DTWD2: variants seen among roughly 807,000 people sequenced by gnomAD.
The protein encoded by DTWD2 is DTW motif tRNA-uridine aminocarboxypropyltransferase 2, also known as tRNA-uridine aminocarboxypropyltransferase 2.
In DTWD2, 39 loss-of-function variants were observed where a neutral mutation model predicts 31.8. That is an observed-to-expected ratio of 1.22 (90% CI 0.95 to 1.60). The LOEUF is 1.60. DTWD2 is among the 40% of genes most tolerant of loss of function. DTWD2 has a pLI of 0.00. For synonymous variants in DTWD2, 180 were observed against 142.8 expected (o/e 1.26, Z -1.86); for missense variants, 515 against 381.5 (o/e 1.35, Z -2.92).
rs144844733 is a variant in DTWD2 at position 118,841,087 on chromosome 5, T to A, written c.727A>T (p.Thr243Ser). ...ILEKNNYIQETLLRPLQALCS... is the reference protein window; with the variant it reads ...ILEKNNYIQESLLRPLQALCS... ...AAAGCTTGAAGAGGGCGAAGCAAAG[T>A]CTGTCAAGAGAAAAAAGACACTAAA... The change falls in exon 6 of 6, where the codon ACT (threonine) becomes TCT (serine). Residue 243 changes from threonine (T) to serine (S), a missense_variant and splice_region_variant. Thr to Ser is a moderately conservative substitution (Grantham distance 58, BLOSUM62 1). Coordinates refer to ENST00000510708, the MANE Select transcript of DTWD2 (RefSeq NM_173666.4). 2.5e-6 allele frequency: 4 copies of A among 1,607,194 alleles called. No individual in the cohort carries two copies. The highest frequency in any genetic ancestry group is 2.6e-6 in the Non-Finnish European group (3 of 1,176,368).
At chr5:118,909,478 C>T (rs549943567) in intron 4 of DTWD2, among the ~76,000 whole-genome samples, 2 of 152,190 alleles carry the variant, frequency 1.3e-5, no homozygotes, top group Non-Finnish European at 2.9e-5. Context: ...TTCACCTTCT[C>T]AGACTTCACT....
At chr5:118,939,661 G>A (rs1754138144) in intron 2 of DTWD2, among the ~76,000 whole-genome samples, 1 of 152,112 alleles carries the variant, frequency 6.6e-6, no homozygotes, top group Admixed American at 6.5e-5. Flanking sequence ...GAAGATAATT[G>A]CCTAGATCTT....
chr5:118,930,773 A>C (rs1302006318), intron 3 of DTWD2, among the ~76,000 whole-genome samples: 1 of 152,236 alleles, frequency 6.6e-6, no homozygotes, highest in Non-Finnish European at 1.5e-5. Context: ...TTTATATGGA[A>C]TATCAGATAT....
chr5:118,929,158 A>C (rs1227939621), intron 3 of DTWD2, among the ~76,000 whole-genome samples: 1 of 152,240 alleles, frequency 6.6e-6, no homozygotes, highest in Non-Finnish European at 1.5e-5. Context: ...TGGAAGAACC[A>C]TAAAGAGAAG....
At chr5:118,982,285 C>CG (rs1755318800) in intron 1 of DTWD2, among the ~76,000 whole-genome samples, 1 of 152,110 alleles carries the variant, frequency 6.6e-6, no homozygotes, top group African/African-American at 2.4e-5. Context: ...TTCTACCTAT[C>CG]GGAGGGTAAA....
intron 4 of DTWD2, among the ~76,000 whole-genome samples, chr5:118,855,219 T>C (rs1752103324): frequency 6.9e-6 from 1 of 145,160 alleles, no homozygotes; most frequent in African/African-American, 2.5e-5. Flanking sequence ...AGTGTAAATA[T>C]GTAATTACAA....
At chr5:118,845,282 G>A (rs1751824204) in intron 5 of DTWD2, among the ~76,000 whole-genome samples, 1 of 152,184 alleles carries the variant, frequency 6.6e-6, no homozygotes, top group Non-Finnish European at 1.5e-5. Flanking sequence ...AGGTTATTGG[G>A]AAAAAGTGTA....
chr5:118,906,329 G>A (rs1753331587), intron 4 of DTWD2, among the ~76,000 whole-genome samples: 1 of 152,036 alleles, frequency 6.6e-6, no homozygotes, highest in African/African-American at 2.4e-5. Context: ...ACAGAATTGA[G>A]CCATTCTACA....
At chr5:118,923,017 G>T (rs973902151) in intron 4 of DTWD2, among the ~76,000 whole-genome samples, 2 of 151,744 alleles carry the variant, frequency 1.3e-5, no homozygotes, top group African/African-American at 4.8e-5. Context: ...TATACTGCCA[G>T]GTAGGCATTC....
At position 118,836,200 on chromosome 5, in the gene DTWD2, A is replaced by G. The variant is rs1164603614; in HGVS notation, c.*4717T>C. Among the ~76,000 whole-genome samples, 2 of 152,186 alleles carry G rather than the reference A, an allele frequency of 1.3e-5. No individual in the cohort carries two copies. Among genetic ancestry groups the G allele is most frequent in the Non-Finnish European group, 2.9e-5 (2 of 68,032 alleles). Reference sequence around the variant, plus strand: ...TTACATTAAAAAGTTTCTTTTAAAAATAATTCTTACGTTGTTAGTTCAAGT... The same window carrying G: ...TTACATTAAAAAGTTTCTTTTAAAAGTAATTCTTACGTTGTTAGTTCAAGT... On this transcript the variant is annotated 3_prime_UTR_variant, in exon 6 of 6. Transcript: ENST00000510708.
chr5:118,852,590 A>C (rs947945904), intron 4 of DTWD2, among the ~76,000 whole-genome samples: 1 of 152,280 alleles, frequency 6.6e-6, no homozygotes, highest in South Asian at 2.1e-4. Context: ...GAGGTTATGG[A>C]GAAAAGGAAA....
intron 4 of DTWD2, among the ~76,000 whole-genome samples, chr5:118,869,340 C>T (rs1752452319): frequency 6.6e-6 from 1 of 152,094 alleles, no homozygotes; most frequent in Admixed American, 6.6e-5. Context: ...TCAACCACAA[C>T]ACAAAACTGC....
At chr5:118,888,446 T>C (rs1752913065) in intron 4 of DTWD2, among the ~76,000 whole-genome samples, 2 of 152,248 alleles carry the variant, frequency 1.3e-5, no homozygotes, top group Admixed American at 1.3e-4. Flanking sequence ...GCACTGTTTT[T>C]TTACTACTTA....
intron 1 of DTWD2, among the ~76,000 whole-genome samples, chr5:118,971,420 A>G (rs1754985149): frequency 1.3e-5 from 2 of 152,242 alleles, no homozygotes; most frequent in Non-Finnish European, 2.9e-5. Flanking sequence ...GTTCAGTTCA[A>G]CAAGGAGAGC....
chr5:118,946,238 G>C (rs1006307187), intron 1 of DTWD2, among the ~76,000 whole-genome samples: 1 of 152,166 alleles, frequency 6.6e-6, no homozygotes, highest in Non-Finnish European at 1.5e-5. Context: ...CTGATTTCCA[G>C]TGACTTCTGA....
At chr5:118,854,385 G>C (rs1200144671) in intron 4 of DTWD2, among the ~76,000 whole-genome samples, 2 of 151,390 alleles carry the variant, frequency 1.3e-5, no homozygotes, top group Non-Finnish European at 2.9e-5. Context: ...ATTTCTCTTA[G>C]GATACAGGAA....
chr5:118,888,987 G>C (rs1438413494), intron 4 of DTWD2, among the ~76,000 whole-genome samples: 2 of 152,142 alleles, frequency 1.3e-5, no homozygotes, highest in African/African-American at 4.8e-5. Context: ...TATACATTCT[G>C]AATACAAGTT....
chr5:118,974,089 C>T (rs532139791), intron 1 of DTWD2: 12 of 1,599,570 alleles, frequency 7.5e-6, no homozygotes, highest in African/African-American at 4.0e-5. Context: ...ATGACGATGT[C>T]GATACCAAGA....
chr5:118,901,252 T>C (rs1456066610), intron 4 of DTWD2, among the ~76,000 whole-genome samples: 2 of 151,988 alleles, frequency 1.3e-5, no homozygotes, highest in Non-Finnish European at 2.9e-5. Context: ...TTCTAAATAG[T>C]AAAAAAGGGG....
Sources: allele counts gnomAD v4.1 joint callset (sites outside exome capture counted in the v4.1 genomes callset), GRCh38; gene constraint gnomAD v4.1.1; transcripts MANE v1.5; gene names NCBI Gene and HGNC (gene_info 2026-07-23, HGNC 2026-07-21).